Variants in SLC17A1 observed in about 807,000 individuals in gnomAD.
The protein encoded by SLC17A1 is solute carrier family 17 member 1.
In SLC17A1, 51 loss-of-function variants were observed where a neutral mutation model predicts 53.5. The ratio of observed to expected loss-of-function variants is 0.95; its 90% CI spans 0.76 to 1.20. SLC17A1 has a LOEUF of 1.20. SLC17A1 is among the 50% of genes most tolerant of loss of function. The probability of loss-of-function intolerance (pLI) is 0.00; values close to 1 mark genes in which losing one functional copy is unlikely to be tolerated. For missense variants in SLC17A1, 538 were observed against 568.2 expected, an observed-to-expected ratio of 0.95 and a Z score of 0.54; for synonymous variants, 179 against 198.8, an observed-to-expected ratio of 0.90 and a Z score of 0.84.
the SLC17A1 span, among the ~76,000 whole-genome samples, chr6:25,752,037 G>A: frequency 1.3e-5 from 2 of 152,196 alleles, no homozygotes; most frequent in Admixed American, 6.5e-5. Context: ...AATTAATAAT[G>A]CTGGCCACAG....
intron 1 of SLC17A1, 131 bp downstream of exon 1, chr6:25,831,863 T>C (rs1344933599): frequency 7.2e-5 from 11 of 152,182 alleles, no homozygotes; most frequent in Admixed American, 7.2e-4. Context: ...ATAGGGCATA[T>C]TCCACCCCTC....
chr6:25,812,509 C>T (rs535940976), intron 8 of SLC17A1, among the ~76,000 whole-genome samples: 1 of 152,120 alleles, frequency 6.6e-6, no homozygotes, highest in East Asian at 1.9e-4. Flanking sequence ...TCATAGGAGG[C>T]CCCCAGTCCC....
At chr6:25,733,437 C>T in the SLC17A1 span, among the ~76,000 whole-genome samples, 2 of 152,064 alleles carry the variant, frequency 1.3e-5, no homozygotes, top group East Asian at 3.9e-4. Context: ...ACTCCTAGGG[C>T]GCATGTTTTC....
At chr6:25,826,950 A>G (rs1457159894) in intron 2 of SLC17A1, among the ~76,000 whole-genome samples, 1 of 152,146 alleles carries the variant, frequency 6.6e-6, no homozygotes, top group African/African-American at 2.4e-5. Context: ...AAGTCCCCCT[A>G]ATTACAACAA....
At chr6:25,783,927 G>A (rs1430452025) in intron 12 of SLC17A1, among the ~76,000 whole-genome samples, 3 of 151,922 alleles carry the variant, frequency 2.0e-5, no homozygotes, top group African/African-American at 4.8e-5. Context: ...CTGGTTAATA[G>A]GTGTCCAGAT....
chr6:25,815,440 G>A lies in SLC17A1; in HGVS notation c.617-2227C>T, dbSNP rs182959394. Among the ~76,000 whole-genome samples, 32 of 151,766 alleles carry A rather than the reference G, an allele frequency of 2.1e-4. No individual in the cohort carries two copies. The East Asian group carries it at 3.5e-3, about 16-fold the overall frequency. ...AATGACCCCAGTTTTTTAAGAAAAC[G>A]GGAATGAAGTACTATTTTTTGTTTT... On this transcript the variant is annotated intron_variant, in intron 6 of 12. Transcript: ENST00000244527.
the SLC17A1 span, among the ~76,000 whole-genome samples, chr6:25,745,148 A>C: frequency 6.6e-6 from 1 of 152,200 alleles, no homozygotes; most frequent in Non-Finnish European, 1.5e-5. Flanking sequence ...GTTGGCAATA[A>C]AATTCTAAAA....
intron 10 of SLC17A1, among the ~76,000 whole-genome samples, chr6:25,806,527 A>G (rs1763959406): frequency 6.6e-6 from 1 of 152,098 alleles, no homozygotes; most frequent in Admixed American, 6.6e-5. Context: ...TCCTAGCCAG[A>G]GCAATTAGGC....
chr6:25,727,400 T>A, the SLC17A1 span: 2 of 456,832 alleles, frequency 4.4e-6, no homozygotes, highest in Non-Finnish European at 5.9e-6. Flanking sequence ...ACCGTAAGGG[T>A]TTTTTTTTTT....
intron 10 of SLC17A1, among the ~76,000 whole-genome samples, chr6:25,808,126 C>A (rs1764022929): frequency 6.6e-6 from 1 of 152,048 alleles, no homozygotes; most frequent in South Asian, 2.1e-4. Context: ...ATGCCAACAT[C>A]TATTATTATT....
chr6:25,823,330 A>G (rs1457531080), intron 3 of SLC17A1, among the ~76,000 whole-genome samples: 1 of 152,144 alleles, frequency 6.6e-6, no homozygotes. Flanking sequence ...TTCAGTAAAT[A>G]ACTAGCAGTG....
At chr6:25,789,147 T>C (rs1253749619) in intron 12 of SLC17A1, among the ~76,000 whole-genome samples, 2 of 152,124 alleles carry the variant, frequency 1.3e-5, no homozygotes, top group African/African-American at 4.8e-5. Flanking sequence ...CAGAGCTTAT[T>C]AGAGTGAGGA....
intron 10 of SLC17A1, among the ~76,000 whole-genome samples, chr6:25,809,846 C>T (rs1764090530): frequency 1.3e-5 from 2 of 152,172 alleles, no homozygotes. Context: ...GGAGGCAGCA[C>T]ACTATCTGAC....
intron 5 of SLC17A1, 21 bp from the exon 6 acceptor site, chr6:25,819,175 A>T (rs372608482): frequency 1.7e-5 from 26 of 1,527,028 alleles, no homozygotes; most frequent in Non-Finnish European, 2.2e-5. Flanking sequence ...GGTACAAAGA[A>T]CACCCCTAAT....
At chr6:25,772,921 C>T in the SLC17A1 span, among the ~76,000 whole-genome samples, 1 of 152,210 alleles carries the variant, frequency 6.6e-6, no homozygotes, top group Admixed American at 6.5e-5. Flanking sequence ...CTTTGTGGGA[C>T]AGCTGGGTGG....
chr6:25,801,999 C>T (rs1298398644), intron 10 of SLC17A1, among the ~76,000 whole-genome samples: 2 of 152,118 alleles, frequency 1.3e-5, no homozygotes, highest in Non-Finnish European at 2.9e-5. Context: ...TAATTGTCCC[C>T]ACTATTTGTT....
chr6:25,749,671 G>GTT, the SLC17A1 span, among the ~76,000 whole-genome samples: 1 of 147,232 alleles, frequency 6.8e-6, no homozygotes, highest in Non-Finnish European at 1.5e-5. Context: ...AGGGACTCAA[G>GTT]TTTTTTTTTT....
rs1763305351 is a variant in SLC17A1, at chr6:25,783,233, CA to C, written c.*3-16del. On this transcript the variant is annotated splice_polypyrimidine_tract_variant and intron_variant, in intron 12 of 12. Transcript: ENST00000244527. Reference sequence around the variant, plus strand: ...TCTGTTTCACACTAAGTTTTGTAAACAAAGAAAAAAATAGTGCACACAAATG... The same window carrying C: ...TCTGTTTCACACTAAGTTTTGTAAACAAGAAAAAAATAGTGCACACAAATG... 6.6e-6 allele frequency: 1 copy of C among 151,870 alleles called. No homozygotes were observed. Among genetic ancestry groups the C allele is most frequent in the Non-Finnish European group, 1.5e-5 (1 of 67,936 alleles). The allele number at this position is 151,870 out of a possible 1,614,324, so 9.4% of individuals were successfully genotyped here.
At chr6:25,726,333 C>T in the SLC17A1 span, 257 of 1,614,132 alleles carry the variant, frequency 1.6e-4, 1 homozygote, top group Admixed American at 4.1e-3. Flanking sequence ...TGCCTGCCAG[C>T]TCAAGGATTT....
Sources: gnomAD v4.1 joint callset for allele counts (sites outside exome capture counted in the v4.1 genomes callset) on GRCh38, gnomAD v4.1.1 for gene constraint, MANE v1.5 for transcripts, NCBI Gene and HGNC (gene_info 2026-07-23, HGNC 2026-07-21) for gene names.